Variants in COL25A1 observed in about 807,000 individuals in gnomAD.
The protein encoded by COL25A1 is collagen alpha-1(XXV) chain.
A neutral mutation model predicts 128.4 loss-of-function variants in COL25A1; 103 were observed. The observed-to-expected ratio is 0.80, with a 90% CI of 0.68 to 0.94. The LOEUF (loss-of-function observed/expected upper bound fraction) is 0.94, where lower values mean the gene tolerates loss of function less well. Ranked by LOEUF, COL25A1 falls within the 40% of genes least tolerant of loss-of-function variation. COL25A1 has a pLI of 0.00. For synonymous variants in COL25A1, 279 were observed against 277.2 expected (o/e 1.01, Z -0.06); for missense variants, 745 against 840.0 (o/e 0.89, Z 1.40).
At chr4:109,024,832 T>C (rs1467086055) in intron 5 of COL25A1, among the ~76,000 whole-genome samples, 4 of 152,178 alleles carry the variant, frequency 2.6e-5, no homozygotes, top group African/African-American at 9.6e-5. Flanking sequence ...GCAAAATGCT[T>C]AAGATATGCT....
intron 24 of COL25A1, among the ~76,000 whole-genome samples, chr4:108,855,830 G>C (rs1736425036): frequency 3.3e-5 from 5 of 152,070 alleles, no homozygotes; most frequent in Admixed American, 3.3e-4. Flanking sequence ...CCACCAACTG[G>C]AAGCACCAGT....
At chr4:109,007,104 G>A (rs934854184) in intron 6 of COL25A1, among the ~76,000 whole-genome samples, 9 of 152,128 alleles carry the variant, frequency 5.9e-5, no homozygotes, top group Admixed American at 1.3e-4. Context: ...AACCCATTTT[G>A]CTGAAGAGTA....
intron 3 of COL25A1, among the ~76,000 whole-genome samples, chr4:109,244,062 A>G (rs1432614318): frequency 6.6e-6 from 1 of 151,712 alleles, no homozygotes; most frequent in Non-Finnish European, 1.5e-5. Context: ...GTAAACCCCT[A>G]CTTTTGTTGA....
chr4:109,120,800 T>C (rs1189030486), intron 3 of COL25A1, among the ~76,000 whole-genome samples: 1 of 147,028 alleles, frequency 6.8e-6, no homozygotes, highest in Non-Finnish European at 1.5e-5. Context: ...AGAGTGAGAC[T>C]CTGTCTCAAC....
chr4:109,288,960 T>TACACACAC (rs748166827), intron 3 of COL25A1, among the ~76,000 whole-genome samples: 4 of 98,252 alleles, frequency 4.1e-5, no homozygotes, highest in African/African-American at 1.8e-4. Flanking sequence ...CTAAATTATA[T>TACACACAC]ATACACACAC....
chr4:108,842,777 T>C (rs1265090609), intron 30 of COL25A1, among the ~76,000 whole-genome samples: 2 of 152,114 alleles, frequency 1.3e-5, no homozygotes, highest in Non-Finnish European at 2.9e-5. Context: ...TTCTATCTTA[T>C]AGTAGAGGGA....
intron 20 of COL25A1, 120 bp from the exon 21 acceptor site, chr4:108,863,507 T>C: frequency 2.9e-6 from 2 of 685,088 alleles, no homozygotes; most frequent in African/African-American, 1.9e-5. Context: ...ATTTACCCTG[T>C]ACCCAGCACT....
In COL25A1 at chr4:109,252,283, T is replaced by C. The variant is rs115289089; in HGVS notation, c.367+48300A>G. On this transcript the variant is annotated intron_variant, in intron 3 of 37. Transcript: ENST00000399132. ...CTGATCACCCTGGCGAATGGCGCCA[T>C]ATCAGGGACTAAGTGCTGGTCTCTG... 9.3e-4 allele frequency among the ~76,000 whole-genome samples: 141 copies of C among 152,326 alleles called. 2 individuals are homozygous for C. Among genetic ancestry groups the C allele is most frequent in the African/African-American group, 3.0e-3 (126 of 41,578 alleles).
intron 8 of COL25A1, among the ~76,000 whole-genome samples, chr4:108,945,632 C>T (rs528245848): frequency 2.6e-5 from 4 of 152,092 alleles, no homozygotes; most frequent in Non-Finnish European, 4.4e-5. Flanking sequence ...GAGAAAACAT[C>T]CAGGAATAAG....
intron 3 of COL25A1, among the ~76,000 whole-genome samples, chr4:109,218,360 T>TTTTTTTTTTTTG (rs1778179285): frequency 1.7e-5 from 2 of 116,656 alleles, no homozygotes; most frequent in Non-Finnish European, 3.3e-5. Flanking sequence ...TTTTGGGGTT[T>TTTTTTTTTTTTG]TTTTTTTTTT....
intron 8 of COL25A1, among the ~76,000 whole-genome samples, chr4:108,964,588 C>T (rs1751092053): frequency 6.6e-6 from 1 of 151,860 alleles, no homozygotes; most frequent in Admixed American, 6.6e-5. Flanking sequence ...TTTGATGAGC[C>T]CAGCCATTCA....
intron 3 of COL25A1, among the ~76,000 whole-genome samples, chr4:109,207,377 T>C (rs1777098228): frequency 6.6e-6 from 1 of 152,030 alleles, no homozygotes; most frequent in African/African-American, 2.4e-5. Flanking sequence ...ATAGTTACAG[T>C]GATGTAAGGT....
intron 3 of COL25A1, among the ~76,000 whole-genome samples, chr4:109,115,958 T>A (rs1490048583): frequency 6.6e-6 from 1 of 151,936 alleles, no homozygotes; most frequent in Non-Finnish European, 1.5e-5. Context: ...TCTTCTAAAA[T>A]CTATCAGAGA....
At chr4:109,110,428 C>T (rs553478616) in intron 3 of COL25A1, among the ~76,000 whole-genome samples, 14 of 152,262 alleles carry the variant, frequency 9.2e-5, no homozygotes, top group Admixed American at 8.5e-4. Flanking sequence ...TTTCTCAAAG[C>T]TCATGTCCTT....
At position 108,920,726 on chromosome 4, in the gene COL25A1, A is replaced by G. The variant is rs1440608461; in HGVS notation, c.709-122T>C. The G allele has an allele frequency of 1.5e-5, 8 of 520,428 alleles. No individual in the cohort carries two copies. The Admixed American group carries it at 2.9e-4, about 19-fold the overall frequency. 32.2% of individuals were successfully genotyped at this position (520,428 alleles called of 1,614,324 possible). On this transcript the variant is annotated intron_variant, in intron 11 of 37. Coordinates refer to ENST00000399132, the MANE Select transcript of COL25A1 (RefSeq NM_198721.4). ...GTACTGAAATATGTTGACATTTCATATATCAGGAAAAAAAAAGAAAAATTT... is the reference window on the plus strand; with the variant it reads ...GTACTGAAATATGTTGACATTTCATGTATCAGGAAAAAAAAAGAAAAATTT...
intron 3 of COL25A1, among the ~76,000 whole-genome samples, chr4:109,128,663 C>G (rs1180769366): frequency 6.6e-6 from 1 of 152,174 alleles, no homozygotes; most frequent in East Asian, 1.9e-4. Flanking sequence ...CTGTGTATCC[C>G]AGAGTAGGAC....
chr4:108,917,618 T>C (rs1197800671), intron 13 of COL25A1, among the ~76,000 whole-genome samples: 2 of 152,218 alleles, frequency 1.3e-5, no homozygotes, highest in African/African-American at 2.4e-5. Flanking sequence ...GTAGACTGTG[T>C]TGTTTCTTTC....
At position 109,006,984 on chromosome 4, in the gene COL25A1, C is replaced by G. The variant is rs367830290; in HGVS notation, c.438+3374G>C. On this transcript the variant is annotated intron_variant, in intron 6 of 37. Coordinates refer to ENST00000399132, the MANE Select transcript of COL25A1 (RefSeq NM_198721.4). ...CTTAATACCTGGGTGATCAGACGAT[C>G]TGTGCTGTAAACCACCATGACACAC... Among the ~76,000 whole-genome samples the G allele has an allele frequency of 1.0e-3, 155 of 152,246 alleles. 4 individuals carry two copies. In the South Asian group the frequency reaches 0.031, roughly 31 times the overall value.
At chr4:108,909,554 CT>C (rs1354427808) in intron 13 of COL25A1, among the ~76,000 whole-genome samples, 1 of 152,148 alleles carries the variant, frequency 6.6e-6, no homozygotes, top group Non-Finnish European at 1.5e-5. Flanking sequence ...AATAAGTCTG[CT>C]AGTTAACACT....
Sources: gnomAD v4.1 joint callset for allele counts (sites outside exome capture counted in the v4.1 genomes callset) on GRCh38, gnomAD v4.1.1 for gene constraint, MANE v1.5 for transcripts, NCBI Gene and HGNC (gene_info 2026-07-23, HGNC 2026-07-21) for gene names.